KIF1A: variants seen among roughly 807,000 people sequenced by gnomAD.
The protein encoded by KIF1A is kinesin-like protein KIF1A.
In KIF1A, 46 loss-of-function variants were observed where a neutral mutation model predicts 227.3. The observed-to-expected ratio is 0.20, with a 90% confidence interval of 0.16 to 0.26. The LOEUF is 0.26. Among genes scored for constraint, KIF1A ranks in the 10% least tolerant of loss-of-function variants. The pLI is 1.00. For missense variants in KIF1A, 1,683 were observed against 2,485.9 expected (o/e 0.68, Z 6.87); for synonymous variants, 1,022 against 1,012.8 (o/e 1.01, Z -0.17).
intron 20 of KIF1A, among the ~76,000 whole-genome samples, chr2:240,763,879 G>A (rs1298373455): frequency 1.3e-5 from 2 of 152,180 alleles, no homozygotes; most frequent in Non-Finnish European, 1.5e-5. Context: ...GAAGGAAGCA[G>A]GGACGGCCAC....
At chr2:240,733,181 G>A (rs2046949641) in intron 38 of KIF1A, among the ~76,000 whole-genome samples, 1 of 152,020 alleles carries the variant, frequency 6.6e-6, no homozygotes, top group Non-Finnish European at 1.5e-5. Context: ...TGAGTGCGTG[G>A]GTGAATGTTG....
upstream of KIF1A, among the ~76,000 whole-genome samples, chr2:240,820,810 G>C (rs1371074916): frequency 1.3e-5 from 2 of 152,072 alleles, no homozygotes; most frequent in Non-Finnish European, 2.9e-5. The surrounding 1 kb of genome is among the most constrained non-coding windows in gnomAD (Gnocchi z 6.2). Context: ...CCTCCCCGCC[G>C]GATGATGCAA....
chr2:240,761,463 G>T lies in KIF1A; in HGVS notation c.2117-86C>A, dbSNP rs961481973. 3 of 1,346,276 alleles carry T rather than the reference G, an allele frequency of 2.2e-6. No individual in the cohort carries two copies. The African/African-American group carries it at 4.4e-5, about 20-fold the overall frequency. 83.4% of individuals were successfully genotyped at this position (1,346,276 alleles called of 1,614,324 possible). On this transcript the variant is annotated intron_variant, in intron 23 of 48. Transcript: ENST00000498729. ...CGCCCTCTGGAAGGTCAGGCTGGTC[G>T]GCCACTCCATGGGGCTGCCTAAGCT...
At chr2:240,724,496 C>T (rs1559478498) in intron 40 of KIF1A, 2 of 215,116 alleles carry the variant, frequency 9.3e-6, no homozygotes, top group Admixed American at 1.1e-4. Flanking sequence ...TGAGTGACCT[C>T]CAGAATGACC....
At chr2:240,731,451 G>A (rs1420342355) in intron 38 of KIF1A, among the ~76,000 whole-genome samples, 2 of 152,206 alleles carry the variant, frequency 1.3e-5, no homozygotes, top group African/African-American at 2.4e-5. Context: ...GCCAGAGCTG[G>A]TGCCCCGACC....
At chr2:240,782,070 G>T in intron 10 of KIF1A, 2 of 985,350 alleles carry the variant, frequency 2.0e-6, no homozygotes, top group Non-Finnish European at 2.4e-6. Context: ...TCCCTCGAAC[G>T]CTTTCACGGC....
At chr2:240,763,604 AG>A (rs1229633103) in intron 20 of KIF1A, among the ~76,000 whole-genome samples, 1 of 152,112 alleles carries the variant, frequency 6.6e-6, no homozygotes, top group East Asian at 1.9e-4. Flanking sequence ...GCTGTGCTCC[AG>A]TGTCCCCGCC....
intron 37 of KIF1A, among the ~76,000 whole-genome samples, chr2:240,738,954 G>C (rs1431821478): frequency 6.6e-6 from 1 of 152,238 alleles, no homozygotes; most frequent in Non-Finnish European, 1.5e-5. Flanking sequence ...TAAACCAGCT[G>C]TGTATTTGCT....
At chr2:240,722,794 C>G (rs1463878798) in intron 42 of KIF1A, 138 bp from the exon 43 acceptor site, 5 of 663,940 alleles carry the variant, frequency 7.5e-6, no homozygotes, top group South Asian at 6.9e-5. Flanking sequence ...TGAAGACTGA[C>G]AGCCCTCAGC....
chr2:240,732,788 ATAAGGGATGAG>A (rs1256005313), intron 38 of KIF1A, among the ~76,000 whole-genome samples: 3 of 63,802 alleles, frequency 4.7e-5, no homozygotes, highest in African/African-American at 2.0e-4. Flanking sequence ...GGATGAGGGG[ATAAGGGATGAG>A]GGGATGAGGG....
intron 10 of KIF1A, among the ~76,000 whole-genome samples, chr2:240,779,774 C>T (rs1413169679): frequency 6.6e-6 from 1 of 152,008 alleles, no homozygotes; most frequent in Non-Finnish European, 1.5e-5. Context: ...ACAGTTCCCA[C>T]ACTTCCCCAC....
rs886234074 is a variant in KIF1A, at chr2:240,789,973, G to A, written c.107-661C>T. On this transcript the variant is annotated intron_variant, in intron 2 of 48. Transcript: ENST00000498729. This position sits in a 1 kb window ranked among gnomAD's most constrained non-coding sequence, Gnocchi z 4.8. Reference sequence around the variant, plus strand: ...TCCATGAACACGTGATGATGCCCCCGCCCACAGCCGGTGCCTGGGGGGGTT... The same window carrying A: ...TCCATGAACACGTGATGATGCCCCCACCCACAGCCGGTGCCTGGGGGGGTT... 6.6e-5 allele frequency among the ~76,000 whole-genome samples: 10 copies of A among 152,064 alleles called. No homozygotes were observed. The highest frequency in any genetic ancestry group is 6.2e-4 in the South Asian group (3 of 4,818).
rs780626531 is a variant in KIF1A at position 240,766,743 on chromosome 2, T to TCACACACACA, written c.1684+171_1684+172insTGTGTGTGTG. Among the ~76,000 whole-genome samples, 1,751 of 125,222 alleles carry TCACACACACA rather than the reference T, an allele frequency of 0.014. 40 individuals carry two copies. Among genetic ancestry groups the TCACACACACA allele is most frequent in the East Asian group, 0.077 (267 of 3,468 alleles). The allele number at this position is 125,222 out of a possible 152,430, so 82.2% of individuals were successfully genotyped here. On this transcript the variant is annotated intron_variant, in intron 19 of 48. Transcript: ENST00000498729. This position sits in a 1 kb window ranked among gnomAD's most constrained non-coding sequence, Gnocchi z 5.0. ...CCAAATCTCTCTCTCTCTCTCTCTCTCTCTCTCACACACACACACACACAC... is the reference window on the plus strand; with the variant it reads ...CCAAATCTCTCTCTCTCTCTCTCTCTCACACACACACTCTCTCACACACACACACACACAC...
intron 28 of KIF1A, among the ~76,000 whole-genome samples, chr2:240,747,980 C>T (rs2048798672): frequency 6.6e-6 from 1 of 152,254 alleles, no homozygotes; most frequent in Non-Finnish European, 1.5e-5. Context: ...AGACTTCTGA[C>T]ACCACCAGTG....
At chr2:240,802,763 C>T (rs2057077897) in intron 1 of KIF1A, among the ~76,000 whole-genome samples, 1 of 152,142 alleles carries the variant, frequency 6.6e-6, no homozygotes, top group Admixed American at 6.5e-5. Context: ...TCTTGAGGAG[C>T]TGGGACTATG....
In KIF1A at chr2:240,747,192, C is replaced by T. The variant is rs576744826; in HGVS notation, c.3063+44G>A. On this transcript the variant is annotated intron_variant, in intron 29 of 48. Coordinates refer to ENST00000498729, the MANE Select transcript of KIF1A (RefSeq NM_001244008.2). ...GCAAAGTGCACAGGACTCCAGTGAGCGCCAGGCACCTCCAGGTCTGGGACT... is the reference window on the plus strand; with the variant it reads ...GCAAAGTGCACAGGACTCCAGTGAGTGCCAGGCACCTCCAGGTCTGGGACT... 6.8e-6 allele frequency: 10 copies of T among 1,472,940 alleles called. No individual in the cohort carries two copies. In the East Asian group the frequency reaches 6.8e-5, roughly 10 times the overall value. 91.2% of individuals were successfully genotyped at this position (1,472,940 alleles called of 1,614,324 possible). A position where few individuals can be genotyped will look rare whatever the true frequency, so the allele number is the denominator to read the frequency against.
At position 240,758,349 on chromosome 2, in the gene KIF1A, G is replaced by A. The variant is rs778307088; in HGVS notation, c.2582+11C>T. 12 of 1,607,288 alleles carry A rather than the reference G, an allele frequency of 7.5e-6. No homozygotes were observed. The highest frequency in any genetic ancestry group is 3.4e-5 in the Admixed American group (2 of 59,296). On this transcript the variant is annotated intron_variant, in intron 26 of 48. Coordinates refer to ENST00000498729, the MANE Select transcript of KIF1A (RefSeq NM_001244008.2). The surrounding 1 kb of genome is among the most constrained non-coding windows in gnomAD (Gnocchi z 5.2). Reference sequence around the variant, plus strand: ...TCTCTCTCTCTGCCAAGGAAGGGAGGAGGCGCCCACCTGCCCACCAGCCGG... The same window carrying A: ...TCTCTCTCTCTGCCAAGGAAGGGAGAAGGCGCCCACCTGCCCACCAGCCGG...
At chr2:240,729,750 A>T (rs1311056678) in intron 38 of KIF1A, among the ~76,000 whole-genome samples, 1 of 152,230 alleles carries the variant, frequency 6.6e-6, no homozygotes, top group African/African-American at 2.4e-5. Flanking sequence ...TCTCTCTGAG[A>T]ACCTGACTGT....
intron 1 of KIF1A, among the ~76,000 whole-genome samples, chr2:240,815,596 C>A (rs992431033): frequency 6.6e-6 from 1 of 152,194 alleles, no homozygotes; most frequent in Admixed American, 6.5e-5. Flanking sequence ...CCAGAAAATG[C>A]GGTACCTGGG....
Sources: gnomAD v4.1 joint callset for allele counts (sites outside exome capture counted in the v4.1 genomes callset) on GRCh38, gnomAD v4.1.1 for gene constraint, Gnocchi (gnomAD v3.1) non-coding constraint, MANE v1.5 for transcripts, NCBI Gene and HGNC (gene_info 2026-07-23, HGNC 2026-07-21) for gene names.